MLLT10: variants seen among roughly 807,000 people sequenced by gnomAD.
MLLT10 encodes the protein protein AF-10.
MLLT10 carries 30 observed loss-of-function variants against 129.1 expected under a neutral mutation model. The ratio of observed to expected loss-of-function variants is 0.23; its 90% confidence interval spans 0.17 to 0.32. The LOEUF (loss-of-function observed/expected upper bound fraction) is 0.32. Among genes scored for constraint, MLLT10 ranks in the 10% least tolerant of loss-of-function variants. The probability of loss-of-function intolerance (pLI) is 1.00; values close to 1 mark genes in which losing one functional copy is unlikely to be tolerated. For synonymous variants in MLLT10, 490 were observed against 446.4 expected, an observed-to-expected ratio of 1.10 and a Z score of -1.23; for missense variants, 1,119 against 1,268.3, an observed-to-expected ratio of 0.88 and a Z score of 1.79.
chr10:21,671,980 A>G (rs1051391697), intron 10 of MLLT10, among the ~76,000 whole-genome samples: 2 of 152,122 alleles, frequency 1.3e-5, no homozygotes, highest in Non-Finnish European at 2.9e-5. Context: ...AAAACCAAAA[A>G]CAAACAATAA....
intron 14 of MLLT10, among the ~76,000 whole-genome samples, chr10:21,724,516 C>T (rs576865847): frequency 3.9e-5 from 6 of 152,192 alleles, no homozygotes; most frequent in South Asian, 2.1e-4. Context: ...AGTTCTTTGC[C>T]GATATTTTCA....
At chr10:21,648,968 C>T (rs1486016354) in intron 8 of MLLT10, among the ~76,000 whole-genome samples, 6 of 152,142 alleles carry the variant, frequency 3.9e-5, no homozygotes, top group Admixed American at 6.5e-5. Context: ...CTACCAGGTC[C>T]CTCCCATGAC....
At chr10:21,731,423 C>T (rs1394059832) in intron 17 of MLLT10, among the ~76,000 whole-genome samples, 2 of 152,048 alleles carry the variant, frequency 1.3e-5, no homozygotes, top group Admixed American at 1.3e-4. Flanking sequence ...AGCATTGTCT[C>T]GGTGCTTACC....
chr10:21,561,930 C>T (rs1193145456), intron 3 of MLLT10, among the ~76,000 whole-genome samples: 18 of 151,958 alleles, frequency 1.2e-4, no homozygotes, highest in African/African-American at 4.1e-4. Context: ...CTCAGCCTCC[C>T]GAATAGCTGG....
chr10:21,652,835 G>A (rs569111874), intron 9 of MLLT10, among the ~76,000 whole-genome samples: 12 of 152,310 alleles, frequency 7.9e-5, no homozygotes, highest in African/African-American at 2.2e-4. Flanking sequence ...ATCGTCCAGA[G>A]AGAGATGGTG....
intron 2 of MLLT10, 41 bp from the exon 3 acceptor site, chr10:21,538,792 C>A (rs763199436): frequency 6.8e-7 from 1 of 1,465,628 alleles, no homozygotes; most frequent in South Asian, 1.2e-5. Flanking sequence ...TTCCATAGTT[C>A]TTCGAATCTT....
intron 5 of MLLT10, among the ~76,000 whole-genome samples, chr10:21,600,293 C>T (rs546154704): frequency 6.6e-6 from 1 of 151,842 alleles, no homozygotes; most frequent in East Asian, 1.9e-4. Flanking sequence ...ACAATTTAGA[C>T]TGTATTAGAG....
At chr10:21,676,591 C>T (rs1439359982) in intron 11 of MLLT10, among the ~76,000 whole-genome samples, 2 of 148,900 alleles carry the variant, frequency 1.3e-5, no homozygotes, top group African/African-American at 2.5e-5. Context: ...CGTGGTGGCA[C>T]GCACCTGTAG....
chr10:21,599,404 C>T (rs1372973091), intron 5 of MLLT10, among the ~76,000 whole-genome samples: 1 of 152,104 alleles, frequency 6.6e-6, no homozygotes, highest in Non-Finnish European at 1.5e-5. Flanking sequence ...AATATACATA[C>T]ACACACTAAT....
At chr10:21,607,953 G>A (rs918275327) in intron 5 of MLLT10, among the ~76,000 whole-genome samples, 2 of 150,036 alleles carry the variant, frequency 1.3e-5, no homozygotes, top group Admixed American at 1.3e-4. Flanking sequence ...TTTATATTTT[G>A]CCTTTATTTT....
At chr10:21,717,700 CTT>C (rs2056778445) in intron 14 of MLLT10, among the ~76,000 whole-genome samples, 3 of 96,716 alleles carry the variant, frequency 3.1e-5, no homozygotes, top group Non-Finnish European at 3.9e-5. Flanking sequence ...TCCTCCTCCT[CTT>C]CCTCCTCCTC....
chr10:21,674,156 A>G (rs530793741), intron 11 of MLLT10, among the ~76,000 whole-genome samples: 14 of 152,328 alleles, frequency 9.2e-5, no homozygotes, highest in African/African-American at 2.6e-4. Context: ...ACTTAATTAA[A>G]TGTAGGCTAA....
intron 8 of MLLT10, chr10:21,624,555 A>G: frequency 8.2e-7 from 1 of 1,214,690 alleles, no homozygotes; most frequent in South Asian, 1.9e-5. Context: ...AGCCAGTCGT[A>G]TCTTGCCATT....
At chr10:21,738,286 A>G (rs1021038825) in intron 21 of MLLT10, 2 of 749,328 alleles carry the variant, frequency 2.7e-6, no homozygotes, top group East Asian at 6.6e-5. Flanking sequence ...AAAATCTTAA[A>G]TGCTGACACT....
intron 14 of MLLT10, among the ~76,000 whole-genome samples, chr10:21,721,141 C>G (rs2057101931): frequency 6.6e-6 from 1 of 151,984 alleles, no homozygotes; most frequent in Non-Finnish European, 1.5e-5. Context: ...CTTGAAGCAG[C>G]TAGTTTAGAG....
At chr10:21,592,547 C>A (rs1438948903) in intron 4 of MLLT10, among the ~76,000 whole-genome samples, 1 of 152,110 alleles carries the variant, frequency 6.6e-6, no homozygotes, top group Non-Finnish European at 1.5e-5. Flanking sequence ...GCTCCACCCC[C>A]CGGGGTTCAC....
chr10:21,638,876 C>T (rs1310606538), intron 8 of MLLT10, among the ~76,000 whole-genome samples: 1 of 152,164 alleles, frequency 6.6e-6, no homozygotes, highest in Non-Finnish European at 1.5e-5. Context: ...CCAGAGTAGG[C>T]TAGCTGCCAG....
At chr10:21,535,003 C>G (rs1194053085) in intron 2 of MLLT10, among the ~76,000 whole-genome samples, 199 bp downstream of exon 2, 1 of 149,570 alleles carries the variant, frequency 6.7e-6, no homozygotes, top group Non-Finnish European at 1.5e-5. Context: ...CATGTGATTC[C>G]GCTCTCACTC....
chr10:21,734,881 C>T (rs2058235733), intron 20 of MLLT10, among the ~76,000 whole-genome samples: 1 of 152,112 alleles, frequency 6.6e-6, no homozygotes, highest in Admixed American at 6.5e-5. Context: ...AATTTCTATT[C>T]CATAAAATGA....
Sources: gnomAD v4.1 joint callset for allele counts (sites outside exome capture counted in the v4.1 genomes callset) on GRCh38, gnomAD v4.1.1 for gene constraint, MANE v1.5 for transcripts, NCBI Gene and HGNC (gene_info 2026-07-23, HGNC 2026-07-21) for gene names.